TMCC2: variants seen among roughly 807,000 people sequenced by gnomAD.
The protein encoded by TMCC2 is transmembrane and coiled-coil domains protein 2.
Under a neutral mutation model 49.4 loss-of-function variants are expected in TMCC2, and 16 were observed. The observed-to-expected ratio is 0.32, with a 90% CI of 0.22 to 0.49. The LOEUF (loss-of-function observed/expected upper bound fraction) is 0.49, where lower values mean the gene tolerates loss of function less well. Ranked by LOEUF, TMCC2 falls within the 20% of genes least tolerant of loss-of-function variation. TMCC2 has a pLI of 0.99. For missense variants in TMCC2, 762 were observed against 989.8 expected, an observed-to-expected ratio of 0.77 and a Z score of 3.09; for synonymous variants, 397 against 434.1, an observed-to-expected ratio of 0.91 and a Z score of 1.06.
chr1:205,235,382 T>C (rs1369454528), intron 1 of TMCC2, among the ~76,000 whole-genome samples: 1 of 152,218 alleles, frequency 6.6e-6, no homozygotes, highest in Non-Finnish European at 1.5e-5. Context: ...TTACAGAATG[T>C]GCTTCTTTTT....
intron 2 of TMCC2, chr1:205,257,086 G>A (rs1019124379): frequency 5.2e-5 from 57 of 1,103,092 alleles, no homozygotes; most frequent in East Asian, 7.1e-5. Flanking sequence ...GTCCTCCCGC[G>A]CTCGGTGATC....
intron 2 of TMCC2, among the ~76,000 whole-genome samples, chr1:205,243,679 G>C (rs1053873158): frequency 2.0e-5 from 3 of 152,214 alleles, no homozygotes; most frequent in East Asian, 3.8e-4. Flanking sequence ...GCATGTTTTG[G>C]GGGGAAGGTG....
intron 2 of TMCC2, among the ~76,000 whole-genome samples, chr1:205,260,252 G>A (rs541641243): frequency 6.6e-6 from 1 of 152,214 alleles, no homozygotes. Flanking sequence ...TGGTGGCTGG[G>A]CATGGATAGG....
At chr1:205,246,297 T>A (rs1660449860) in intron 2 of TMCC2, among the ~76,000 whole-genome samples, 1 of 17,772 alleles carries the variant, frequency 5.6e-5, no homozygotes, top group African/African-American at 2.6e-4. Flanking sequence ...GCAAGGGGTG[T>A]GAGGTGGGGG....
In TMCC2 at chr1:205,228,664, C is replaced by T. The variant is rs1425527232; in HGVS notation, c.100C>T (p.Arg34Trp). 3 of 1,613,032 alleles carry T rather than the reference C, an allele frequency of 1.9e-6. No individual in the cohort carries two copies. Among genetic ancestry groups the T allele is most frequent in the Admixed American group, 3.3e-5 (2 of 59,996 alleles). The change falls in exon 1 of 5, where the codon CGG becomes TGG. Residue 34 changes from arginine to tryptophan, a missense_variant. Physicochemically the swap from Arg to Trp is moderately radical, Grantham distance 101 (BLOSUM62 -3). Coordinates refer to ENST00000358024, the MANE Select transcript of TMCC2 (RefSeq NM_014858.4). ...AASHLPGADL[R>W]PGETTGANSA... ...TTCCCACCTGCCGGGCGCGGACCTCCGGCCTGGGGAGACCACGGGTGCTAA... is the reference window on the plus strand; with the variant it reads ...TTCCCACCTGCCGGGCGCGGACCTCTGGCCTGGGGAGACCACGGGTGCTAA...
chr1:205,246,684 T>A, intron 2 of TMCC2: 1 of 1,550,210 alleles, frequency 6.5e-7, no homozygotes, highest in Non-Finnish European at 8.7e-7. Flanking sequence ...CAGGCCCACC[T>A]CTCATGGGTG....
At chr1:205,239,436 G>A (rs556204415) in intron 1 of TMCC2, among the ~76,000 whole-genome samples, 133 of 152,298 alleles carry the variant, frequency 8.7e-4, no homozygotes, top group Admixed American at 3.1e-3. Flanking sequence ...TGAGCCTTGT[G>A]ACCCTGCCTC....
chr1:205,244,010 A>G (rs368806617), intron 2 of TMCC2, among the ~76,000 whole-genome samples: 54 of 152,310 alleles, frequency 3.5e-4, no homozygotes, highest in African/African-American at 9.4e-4. Flanking sequence ...GGAGGAAGTA[A>G]TCAGAGTGAA....
chr1:205,250,433 CG>C (rs1660623587), intron 2 of TMCC2, among the ~76,000 whole-genome samples: 1 of 151,860 alleles, frequency 6.6e-6, no homozygotes, highest in South Asian at 2.1e-4. Flanking sequence ...CCCAGCTACT[CG>C]GGAGGCTGAG....
rs756603638 is a variant in TMCC2 at position 205,269,044 on chromosome 1, A to G, written c.842A>G (p.Asp281Gly). The G allele has an allele frequency of 6.2e-7, 1 of 1,613,400 alleles. No homozygotes were observed. Residue 281 changes from aspartate (D) to glycine (G), a missense_variant, in exon 3 of 5, where the codon GAC becomes GGC. Asp to Gly is a moderately conservative substitution (Grantham distance 94). Coordinates refer to ENST00000358024, the MANE Select transcript of TMCC2 (RefSeq NM_014858.4). ...ISLDVPDGAP[D>G]PQRTKAAIDH... The stretch of plus-strand genomic sequence containing the variant: ...CTGGACGTGCCCGATGGGGCACCGG[A>G]CCCCCAGCGGACCAAGGCCGCCATT...
rs1039584479 is a variant in TMCC2, at chr1:205,264,345, C to T, written c.748-4605C>T. Among the ~76,000 whole-genome samples the T allele has an allele frequency of 1.3e-5, 2 of 152,150 alleles. No individual in the cohort carries two copies. The highest frequency in any genetic ancestry group is 2.9e-5 in the Non-Finnish European group (2 of 68,026). ...TTGTTTTTTGTTTTTGTTTTTGAGA[C>T]GGAGTCTCTGTCACCCAGGCTGGAG... On this transcript the variant is annotated intron_variant, in intron 2 of 4. Transcript: ENST00000358024. This position sits in a 1 kb window ranked among gnomAD's most constrained non-coding sequence, Gnocchi z 4.2.
intron 3 of TMCC2, among the ~76,000 whole-genome samples, 175 bp downstream of exon 3, chr1:205,270,059 T>A (rs1016828050): frequency 2.0e-5 from 3 of 151,676 alleles, no homozygotes; most frequent in Admixed American, 6.6e-5. Context: ...CCTTCTGTAT[T>A]TTTTGGAGGC....
intron 4 of TMCC2, 86 bp from the exon 5 acceptor site, chr1:205,271,727 C>A: frequency 1.3e-6 from 2 of 1,505,066 alleles, no homozygotes; most frequent in East Asian, 2.3e-5. Context: ...TCGTTATAGG[C>A]ACCTTCTCAG....
At chr1:205,231,999 G>C (rs1313966687) in intron 1 of TMCC2, among the ~76,000 whole-genome samples, 3 of 152,196 alleles carry the variant, frequency 2.0e-5, no homozygotes, top group African/African-American at 7.2e-5. Flanking sequence ...GGTTGGGGCG[G>C]TATTGGAAGA....
At chr1:205,256,159 G>A in intron 2 of TMCC2, 4 of 1,390,122 alleles carry the variant, frequency 2.9e-6, no homozygotes, top group Non-Finnish European at 3.8e-6. Context: ...CGTGACGCGT[G>A]TCGGCCATCA....
chr1:205,253,777 T>C (rs1048261685), intron 2 of TMCC2, among the ~76,000 whole-genome samples: 1 of 152,280 alleles, frequency 6.6e-6, no homozygotes, highest in African/African-American at 2.4e-5. Context: ...CTTTGGCTTT[T>C]TCTGTTTCAG....
intron 2 of TMCC2, among the ~76,000 whole-genome samples, chr1:205,260,352 G>A (rs1661055915): frequency 6.6e-6 from 1 of 152,208 alleles, no homozygotes; most frequent in African/African-American, 2.4e-5. Flanking sequence ...CCCTGCTTTG[G>A]GCTGGGGAAC....
chr1:205,230,481 T>G (rs1210431561), intron 1 of TMCC2, among the ~76,000 whole-genome samples: 31 of 152,144 alleles, frequency 2.0e-4, no homozygotes, highest in Non-Finnish European at 1.5e-5. Context: ...AGTTCCTGTT[T>G]TAAGTGAGAT....
chr1:205,237,511 G>C (rs1200380509), intron 1 of TMCC2, among the ~76,000 whole-genome samples: 1 of 152,222 alleles, frequency 6.6e-6, no homozygotes, highest in African/African-American at 2.4e-5. Context: ...ATTAGCTATA[G>C]ATTAGTGTGA....
Sources: allele counts gnomAD v4.1 joint callset (sites outside exome capture counted in the v4.1 genomes callset), GRCh38; gene constraint gnomAD v4.1.1; non-coding constraint Gnocchi (gnomAD v3.1); transcripts MANE v1.5; gene names NCBI Gene and HGNC (gene_info 2026-07-23, HGNC 2026-07-21).